IDS: variants seen among roughly 807,000 people sequenced by gnomAD.
IDS encodes iduronate 2-sulfatase, also known as alpha-L-iduronate sulfate sulfatase.
In IDS, 1 loss-of-function variant was observed where a neutral mutation model predicts 33.5. The ratio of observed to expected loss-of-function variants is 0.03; its 90% CI spans 0.01 to 0.14. The LOEUF (loss-of-function observed/expected upper bound fraction) is 0.14, where lower values mean the gene tolerates loss of function less well. IDS is among the 10% of genes least tolerant of loss of function. The pLI is 1.00. For synonymous variants in IDS, 191 were observed against 184.4 expected (o/e 1.04, Z -0.29); for missense variants, 328 against 448.0 (o/e 0.73, Z 2.42).
At chrX:149,498,861 G>C (rs893166455) in intron 4 of IDS, among the ~76,000 whole-genome samples, 3 of 112,600 alleles carry the variant, frequency 2.7e-5, no homozygotes, top group African/African-American at 9.7e-5. Context: ...CAGCCACTTT[G>C]AAAGCCAGTC....
chrX:149,485,994 G>C (rs1236053794), intron 8 of IDS, among the ~76,000 whole-genome samples: 2 of 112,033 alleles, frequency 1.8e-5, no homozygotes, highest in African/African-American at 6.5e-5. Flanking sequence ...GTTAAGGATG[G>C]ATTAAATGCT....
chrX:149,502,987 G>A (rs1226208902), intron 3 of IDS: 6 of 482,570 alleles, frequency 1.2e-5, no homozygotes, highest in Non-Finnish European at 1.7e-5. Flanking sequence ...CCCTGCAGGG[G>A]AGAGGGTGGG....
chrX:149,480,237 G>A lies in IDS; in HGVS notation c.*2509C>T. Reference sequence around the variant, plus strand: ...AAGAGAGATTTTAGGAAGACACGTGGATTATTTTAGGGACAGGGGAGGAAA... The same window carrying A: ...AAGAGAGATTTTAGGAAGACACGTGAATTATTTTAGGGACAGGGGAGGAAA... On this transcript the variant is annotated 3_prime_UTR_variant, in exon 9 of 9. Transcript: ENST00000340855. 1 of 244,032 alleles carries A rather than the reference G, an allele frequency of 4.1e-6. No homozygotes were observed. The highest frequency in any genetic ancestry group is 5.9e-5 in the East Asian group (1 of 17,092). The allele number at this position is 244,032 out of a possible 1,213,427, so 20.1% of individuals were successfully genotyped here. A position where few individuals can be genotyped will look rare whatever the true frequency, so the allele number is the denominator to read the frequency against.
intron 1 of IDS, 37 bp from the exon 2 acceptor site, chrX:149,504,330 C>T: frequency 2.6e-6 from 3 of 1,175,279 alleles, no homozygotes; most frequent in Non-Finnish European, 3.4e-6. Flanking sequence ...AGGTAACCTG[C>T]ACTGACACTG....
intron 8 of IDS, among the ~76,000 whole-genome samples, chrX:149,483,781 C>T (rs782137520): frequency 8.9e-6 from 1 of 112,266 alleles, no homozygotes; most frequent in African/African-American, 3.2e-5. Flanking sequence ...ACAACTGAAA[C>T]TCTGTCCCCA....
rs782071590 is a variant in IDS, at chrX:149,488,532, C to T, written c.1007-1434G>A. Among the ~76,000 whole-genome samples, 11 of 108,636 alleles carry T rather than the reference C, an allele frequency of 1.0e-4. 1 individual carries two copies. Among genetic ancestry groups the T allele is most frequent in the East Asian group, 5.9e-4 (2 of 3,403 alleles). The allele number at this position is 108,636 out of a possible 115,157, so 94.3% of individuals were successfully genotyped here. A position where few individuals can be genotyped will look rare whatever the true frequency, so the allele number is the denominator to read the frequency against. On this transcript the variant is annotated intron_variant, in intron 7 of 8. Transcript: ENST00000340855. ...AGGCTCTGAAGGTACAGCAGCCAGGCGCTCTGTGGCATTCTGAATACTGGC... is the reference window on the plus strand; with the variant it reads ...AGGCTCTGAAGGTACAGCAGCCAGGTGCTCTGTGGCATTCTGAATACTGGC...
intron 3 of IDS, among the ~76,000 whole-genome samples, chrX:149,501,376 G>A (rs1404604526): frequency 8.9e-6 from 1 of 111,926 alleles, no homozygotes; most frequent in African/African-American, 3.3e-5. Flanking sequence ...GGAGCCGATG[G>A]GGGCAGGAGA....
chrX:149,483,066 G>A lies in IDS; in HGVS notation c.1333C>T (p.Arg445Cys), dbSNP rs929376875. 11 of 1,205,152 alleles carry A rather than the reference G, an allele frequency of 9.1e-6. No homozygotes were observed. The highest frequency in any genetic ancestry group is 5.3e-5 in the South Asian group (3 of 56,493). Residue 445 changes from arginine (R) to cysteine (C), a missense_variant, in exon 9 of 9, where the codon CGT becomes TGT. Around this residue, in one of 4 missense-constraint regions of IDS, gnomAD observed 265 missense variants for 339.2 expected, o/e 0.78. Coordinates refer to ENST00000340855, the MANE Select transcript of IDS (RefSeq NM_000202.8). Reference protein sequence around the residue: ...GKNLLKHFRFRDLEEDPYLPG... With the variant: ...GKNLLKHFRFCDLEEDPYLPG... ...AGGTACGGATCCTCTTCCAAGTCACGGAATCGAAAATGCTTCAGAAGGTTC... is the reference window on the plus strand; with the variant it reads ...AGGTACGGATCCTCTTCCAAGTCACAGAATCGAAAATGCTTCAGAAGGTTC...
At position 149,491,214 on chromosome X, in the gene IDS, T is replaced by G. The variant is rs782687290; in HGVS notation, c.880-774A>C. Among the ~76,000 whole-genome samples, 404 of 111,747 alleles carry G rather than the reference T, an allele frequency of 3.6e-3. 4 individuals carry two copies. The highest frequency in any genetic ancestry group is 0.012 in the African/African-American group (379 of 30,654). ...ATCTTCATGAACTATGGCCGTTACGTGGAGCTCATTTCTAACAAACTGTCA... is the reference window on the plus strand; with the variant it reads ...ATCTTCATGAACTATGGCCGTTACGGGGAGCTCATTTCTAACAAACTGTCA... On this transcript the variant is annotated intron_variant, in intron 6 of 8. Transcript: ENST00000340855.
In IDS at chrX:149,482,654, ATT is replaced by A. The variant is rs782355935; in HGVS notation, c.*90_*91del. On this transcript the variant is annotated 3_prime_UTR_variant, in exon 9 of 9. Transcript: ENST00000340855. ...AACTAGCCCTCAGGCTGCTTCCAAT[ATT>A]ATGGGTAATCACAAAACGACCAGCT... is the stretch of plus-strand genomic sequence containing the variant. The A allele has an allele frequency of 8.5e-7, 1 of 1,179,626 alleles. No homozygotes were observed. The highest frequency in any genetic ancestry group is 1.1e-6 in the Non-Finnish European group (1 of 879,447).
chrX:149,491,503 A>T, intron 6 of IDS: 1 of 935,089 alleles, frequency 1.1e-6, no homozygotes, highest in Non-Finnish European at 1.4e-6. Context: ...GCTTCTTCTC[A>T]TCACTGCCAG....
At chrX:149,485,354 G>A (rs2089327486) in intron 8 of IDS, among the ~76,000 whole-genome samples, 1 of 112,509 alleles carries the variant, frequency 8.9e-6, no homozygotes, top group African/African-American at 3.2e-5. Context: ...GACAGTGGCA[G>A]TCTGGTCCAA....
intron 3 of IDS, chrX:149,502,984 G>A: frequency 2.1e-6 from 1 of 477,478 alleles, no homozygotes; most frequent in East Asian, 3.8e-5. Context: ...GTACCCTGCA[G>A]GGGAGAGGGT....
At position 149,482,447 on chromosome X, in the gene IDS, A is replaced by T; in HGVS notation, c.*299T>A. 3.2e-6 allele frequency: 1 copy of T among 307,787 alleles called. No homozygotes were observed. Among genetic ancestry groups the T allele is most frequent in the Non-Finnish European group, 5.7e-6 (1 of 175,086 alleles). 25.4% of individuals were successfully genotyped at this position (307,787 alleles called of 1,213,427 possible). A position where few individuals can be genotyped will look rare whatever the true frequency, so the allele number is the denominator to read the frequency against. On this transcript the variant is annotated 3_prime_UTR_variant, in exon 9 of 9. Coordinates refer to ENST00000340855, the MANE Select transcript of IDS (RefSeq NM_000202.8). ...ATGTATGGTCTTCGTATCCAAAGGT[A>T]TGACATAACTTGAGTTTGTTTGCTT...
intron 6 of IDS, among the ~76,000 whole-genome samples, chrX:149,492,254 G>A (rs1392717587): frequency 2.7e-5 from 3 of 111,648 alleles, no homozygotes; most frequent in Non-Finnish European, 5.6e-5. Flanking sequence ...TTTCCCTATA[G>A]TTTTTCCCAC....
At position 149,480,265 on chromosome X, in the gene IDS, G is replaced by A; in HGVS notation, c.*2481C>T. On this transcript the variant is annotated 3_prime_UTR_variant, in exon 9 of 9. Transcript: ENST00000340855. ...TATTTTAGGGACAGGGGAGGAAAGA[G>A]GAGGGGTGGGTAAACTACTTGGAAA... 3.4e-6 allele frequency: 1 copy of A among 296,796 alleles called. No homozygotes were observed. The highest frequency in any genetic ancestry group is 5.9e-6 in the Non-Finnish European group (1 of 170,162). The allele number at this position is 296,796 out of a possible 1,213,427, so 24.5% of individuals were successfully genotyped here.
rs781975424 is a variant in IDS at position 149,496,436 on chromosome X, G to A, written c.789C>T (p.Ala263=). Residue 263 remains alanine (A), a synonymous_variant, in exon 6 of 9, where the codon GCC becomes GCT. Coordinates refer to ENST00000340855, the MANE Select transcript of IDS (RefSeq NM_000202.8). ...PEVPDGLPPV[A]YNPWMDIRQR... ...GCCTGATGTCCATCCAGGGGTTGTA[G>A]GCCACAGGGGGTAGGCCATCAGGGA... The A allele has an allele frequency of 1.7e-6, 2 of 1,209,824 alleles. No individual in the cohort carries two copies. The highest frequency in any genetic ancestry group is 1.8e-5 in the South Asian group (1 of 56,960).
At chrX:149,486,565 C>A (rs143108952) in intron 8 of IDS, among the ~76,000 whole-genome samples, 1 of 112,108 alleles carries the variant, frequency 8.9e-6, no homozygotes, top group African/African-American at 3.2e-5. Flanking sequence ...AAAGGATTCT[C>A]CTCGTCTGTT....
chrX:149,505,009 G>C, intron 1 of IDS, 26 bp downstream of exon 1: 2 of 1,097,027 alleles, frequency 1.8e-6, no homozygotes, highest in Non-Finnish European at 2.5e-6. Context: ...AGGGAGAAGA[G>C]ATGGCAGGGA....
Sources: gnomAD v4.1 joint callset for allele counts (sites outside exome capture counted in the v4.1 genomes callset) on GRCh38, gnomAD v4.1.1 for gene constraint, gnomAD v4.1.1 regional missense constraint, MANE v1.5 for transcripts, NCBI Gene and HGNC (gene_info 2026-07-23, HGNC 2026-07-21) for gene names.